TFDP2: variants seen among roughly 807,000 people sequenced by gnomAD.
TFDP2 encodes transcription factor Dp-2 (E2F dimerization partner 2).
In TFDP2, 17 loss-of-function variants were observed where a neutral mutation model predicts 59.3. That is an observed-to-expected ratio of 0.29 (90% confidence interval 0.20 to 0.43). TFDP2 has a LOEUF of 0.43. Among genes scored for constraint, TFDP2 ranks in the 20% least tolerant of loss-of-function variants. The pLI is 1.00. For synonymous variants in TFDP2, 180 were observed against 194.7 expected (o/e 0.92, Z 0.63); for missense variants, 391 against 528.8 (o/e 0.74, Z 2.56).
chr3:142,030,307 T>C (rs1242170332), intron 3 of TFDP2, among the ~76,000 whole-genome samples: 1 of 152,182 alleles, frequency 6.6e-6, no homozygotes, highest in Non-Finnish European at 1.5e-5. Context: ...ATAAAATCTG[T>C]TTTCACTACT....
At chr3:142,054,406 CA>C (rs1205622292) in intron 3 of TFDP2, among the ~76,000 whole-genome samples, 4 of 152,020 alleles carry the variant, frequency 2.6e-5, no homozygotes, top group Non-Finnish European at 5.9e-5. Context: ...AATAAAATAT[CA>C]AAAAATATTC....
chr3:142,123,132 T>TTTG (rs367823748), intron 1 of TFDP2, among the ~76,000 whole-genome samples: 3 of 152,052 alleles, frequency 2.0e-5, no homozygotes, highest in South Asian at 2.1e-4. Context: ...CCTGCTAATT[T>TTTG]TTGTTGTTGT....
At chr3:142,064,162 G>A (rs113194418) in intron 3 of TFDP2, among the ~76,000 whole-genome samples, 12,856 of 152,180 alleles carry the variant, frequency 0.084, 687 homozygotes, top group Middle Eastern at 0.14. Context: ...ATGTTGGCCA[G>A]GCTGGTCTCG....
chr3:142,108,063 A>G (rs963744362), intron 1 of TFDP2, among the ~76,000 whole-genome samples: 2 of 152,138 alleles, frequency 1.3e-5, no homozygotes, highest in African/African-American at 4.8e-5. Flanking sequence ...TGCCAGTCAG[A>G]GCTTGCCAGC....
At chr3:141,993,294 AAG>A (rs1942966849) in intron 6 of TFDP2, among the ~76,000 whole-genome samples, 1 of 152,204 alleles carries the variant, frequency 6.6e-6, no homozygotes, top group African/African-American at 2.4e-5. Context: ...ACCAGATGGA[AAG>A]AGAGGAGAGA....
chr3:142,148,108 C>A (rs1577088326), intron 1 of TFDP2, among the ~76,000 whole-genome samples: 1 of 138,044 alleles, frequency 7.2e-6, no homozygotes, highest in African/African-American at 2.8e-5. Context: ...GAAGAGAAAA[C>A]ACATGGCCCA....
chr3:142,017,548 C>CTTTTTTT (rs10535313), intron 3 of TFDP2, among the ~76,000 whole-genome samples: 1 of 87,240 alleles, frequency 1.1e-5, no homozygotes, highest in Non-Finnish European at 2.2e-5. Context: ...CAAAAATATT[C>CTTTTTTT]TTTTTTTTTT....
chr3:141,958,837 A>G (rs913313372), intron 11 of TFDP2, among the ~76,000 whole-genome samples: 3 of 152,144 alleles, frequency 2.0e-5, no homozygotes, highest in Non-Finnish European at 4.4e-5. Context: ...CCTGACATTT[A>G]AACTTTCAGT....
chr3:141,971,004 G>A (rs2107997914), intron 8 of TFDP2, among the ~76,000 whole-genome samples: 1 of 151,588 alleles, frequency 6.6e-6, no homozygotes, highest in East Asian at 1.9e-4. Context: ...ATTGCAGTGA[G>A]CCAAGATCAT....
At chr3:142,105,471 T>C (rs1466047981) in intron 1 of TFDP2, among the ~76,000 whole-genome samples, 1 of 152,160 alleles carries the variant, frequency 6.6e-6, no homozygotes, top group African/African-American at 2.4e-5. Flanking sequence ...CCACCCTTTG[T>C]GTTTTTTTGT....
At chr3:142,002,291 G>A (rs1299402938) in intron 4 of TFDP2, among the ~76,000 whole-genome samples, 1 of 150,518 alleles carries the variant, frequency 6.6e-6, no homozygotes, top group African/African-American at 2.4e-5. Flanking sequence ...CACTGCACCC[G>A]GCCTAGCTAA....
chr3:142,137,874 T>C (rs1472969466), intron 1 of TFDP2, among the ~76,000 whole-genome samples: 2 of 152,238 alleles, frequency 1.3e-5, no homozygotes, highest in African/African-American at 4.8e-5. Flanking sequence ...GGTATCAGGA[T>C]GATGCTGGCC....
intron 4 of TFDP2, chr3:142,000,352 A>G (rs1271711825): frequency 5.7e-6 from 4 of 702,264 alleles, no homozygotes; most frequent in Non-Finnish European, 1.0e-5. Flanking sequence ...TTCTGGTTGC[A>G]TCCTAATAGC....
intron 3 of TFDP2, among the ~76,000 whole-genome samples, chr3:142,088,245 GT>G (rs1367301225): frequency 6.6e-6 from 1 of 152,058 alleles, no homozygotes; most frequent in African/African-American, 2.4e-5. Flanking sequence ...CTTTATATGT[GT>G]CTCACATCTA....
intron 2 of TFDP2, among the ~76,000 whole-genome samples, chr3:142,100,633 A>C (rs917476451): frequency 6.6e-6 from 1 of 152,108 alleles, no homozygotes; most frequent in Admixed American, 6.6e-5. Flanking sequence ...TTGGCCTCCC[A>C]AAGTGCTGGG....
At chr3:142,141,334 T>A (rs144897828) in intron 1 of TFDP2, among the ~76,000 whole-genome samples, 1 of 152,148 alleles carries the variant, frequency 6.6e-6, no homozygotes, top group Non-Finnish European at 1.5e-5. Flanking sequence ...CTGGGTGAAG[T>A]GACGCCCTTC....
chr3:141,978,867 ATAAAGT>A (rs555185304), intron 6 of TFDP2, among the ~76,000 whole-genome samples, 185 bp from the exon 7 acceptor site: 139 of 152,336 alleles, frequency 9.1e-4, no homozygotes, highest in Non-Finnish European at 1.4e-3. Context: ...CTAATAAAGT[ATAAAGT>A]TAGAGTGTTT....
chr3:141,968,382 T>TATATATCATATATAA lies in TFDP2; in HGVS notation c.732+1690_732+1691insTTATATATGATATAT, dbSNP rs1559936864. ...ATATATCTCATATATAACATATATC[T>TATATATCATATATAA]CATATATATAACATATATATCATAT... is the stretch of plus-strand genomic sequence containing the variant. On this transcript the variant is annotated intron_variant, in intron 9 of 12. Coordinates refer to ENST00000489671, the MANE Select transcript of TFDP2 (RefSeq NM_001178139.2). Among the ~76,000 whole-genome samples the TATATATCATATATAA allele has an allele frequency of 2.2e-5, 2 of 89,032 alleles. 1 individual carries two copies. The highest frequency in any genetic ancestry group is 7.5e-5 in the African/African-American group (2 of 26,650). 58.4% of individuals were successfully genotyped at this position (89,032 alleles called of 152,430 possible). A position where few individuals can be genotyped will look rare whatever the true frequency, so the allele number is the denominator to read the frequency against.
At chr3:141,964,827 C>G (rs1194566331) in intron 9 of TFDP2, among the ~76,000 whole-genome samples, 1 of 152,160 alleles carries the variant, frequency 6.6e-6, no homozygotes, top group East Asian at 1.9e-4. Flanking sequence ...GGAATCCAGC[C>G]CCAGCCTTCC....
Sources: allele counts gnomAD v4.1 joint callset (sites outside exome capture counted in the v4.1 genomes callset), GRCh38; gene constraint gnomAD v4.1.1; transcripts MANE v1.5; gene names NCBI Gene and HGNC (gene_info 2026-07-23, HGNC 2026-07-21).